The following ASIC2 variants were observed in gnomAD, a reference collection of about 807,000 sequenced individuals.
The protein encoded by ASIC2 is acid-sensing ion channel 2.
A neutral mutation model predicts 57.3 loss-of-function variants in ASIC2; 25 were observed. The observed-to-expected ratio is 0.44, with a 90% confidence interval of 0.32 to 0.61. The LOEUF is 0.61. Among genes scored for constraint, ASIC2 ranks in the 20% least tolerant of loss-of-function variants. ASIC2 has a pLI of 0.06. For missense variants in ASIC2, 641 were observed against 738.1 expected (o/e 0.87, Z 1.52); for synonymous variants, 319 against 307.5 (o/e 1.04, Z -0.39).
At chr17:33,250,331 G>C (rs900643453) in intron 1 of ASIC2, among the ~76,000 whole-genome samples, 1 of 152,196 alleles carries the variant, frequency 6.6e-6, no homozygotes, top group African/African-American at 2.4e-5. Context: ...CCGTGGCCCT[G>C]GAGGCCACAG....
intron 1 of ASIC2, among the ~76,000 whole-genome samples, chr17:34,099,590 G>A (rs1567821390): frequency 1.5e-5 from 2 of 135,880 alleles, no homozygotes; most frequent in African/African-American, 5.5e-5. Context: ...AGGAAGGAAA[G>A]AAAGAGAAAA....
chr17:33,584,669 G>A (rs1302109863), intron 1 of ASIC2, among the ~76,000 whole-genome samples: 1 of 144,340 alleles, frequency 6.9e-6, no homozygotes, highest in Non-Finnish European at 1.5e-5. Context: ...AGAGTGGCAG[G>A]AGATCCATCT....
At chr17:33,494,777 A>C (rs1158600291) in intron 1 of ASIC2, among the ~76,000 whole-genome samples, 8 of 152,160 alleles carry the variant, frequency 5.3e-5, no homozygotes, top group African/African-American at 1.7e-4. Context: ...TCTTTTGATG[A>C]AACTTTTTCT....
chr17:33,397,100 G>A (rs1454351051), intron 1 of ASIC2, among the ~76,000 whole-genome samples: 1 of 152,180 alleles, frequency 6.6e-6, no homozygotes, highest in African/African-American at 2.4e-5. Context: ...AGGAAGCACA[G>A]GTCCTGCCTA....
At chr17:33,470,819 T>G (rs1207717200) in intron 1 of ASIC2, among the ~76,000 whole-genome samples, 1 of 152,216 alleles carries the variant, frequency 6.6e-6, no homozygotes, top group Non-Finnish European at 1.5e-5. Flanking sequence ...AGCATTCACC[T>G]GTAGTCTCTG....
At chr17:34,010,383 A>G (rs1906670452) in intron 1 of ASIC2, among the ~76,000 whole-genome samples, 1 of 151,858 alleles carries the variant, frequency 6.6e-6, no homozygotes, top group Non-Finnish European at 1.5e-5. Context: ...TCTGAAAAGA[A>G]CTCCACCACT....
chr17:33,615,822 A>G (rs969789605), intron 1 of ASIC2, among the ~76,000 whole-genome samples: 3 of 152,042 alleles, frequency 2.0e-5, no homozygotes, highest in Non-Finnish European at 4.4e-5. Flanking sequence ...GAACTTCACT[A>G]CTCTCTGGGG....
chr17:33,970,292 C>G (rs895780868), intron 1 of ASIC2, among the ~76,000 whole-genome samples: 1 of 152,154 alleles, frequency 6.6e-6, no homozygotes, highest in African/African-American at 2.4e-5. Context: ...AGTTGGATAC[C>G]TTTCCTCATT....
chr17:33,848,634 G>A lies in ASIC2; in HGVS notation c.555+307344C>T, dbSNP rs371232440. Among the ~76,000 whole-genome samples, 8 of 152,228 alleles carry A rather than the reference G, an allele frequency of 5.3e-5. No individual in the cohort carries two copies. The East Asian group carries it at 1.4e-3, about 26-fold the overall frequency. On this transcript the variant is annotated intron_variant, in intron 1 of 9. Transcript: ENST00000359872. ...TTTACAAAAGAGCAAAAATAACAAC[G>A]TCAGCACTTCAGGTGCACAGTAATT...
At chr17:33,461,532 CT>C (rs1461864642) in intron 1 of ASIC2, among the ~76,000 whole-genome samples, 3 of 152,140 alleles carry the variant, frequency 2.0e-5, no homozygotes, top group Non-Finnish European at 2.9e-5. Context: ...GAGATGGGAG[CT>C]GCCTGGCATG....
At chr17:33,327,736 G>T (rs1165314516) in intron 1 of ASIC2, among the ~76,000 whole-genome samples, 2 of 152,214 alleles carry the variant, frequency 1.3e-5, no homozygotes, top group Admixed American at 6.5e-5. Flanking sequence ...GTATAATTGT[G>T]CTCCCTGGAA....
intron 1 of ASIC2, among the ~76,000 whole-genome samples, chr17:33,845,027 A>G (rs1340402577): frequency 6.6e-6 from 1 of 152,214 alleles, no homozygotes. Flanking sequence ...CAAAGCCTAC[A>G]TTTTTAACCA....
intron 1 of ASIC2, among the ~76,000 whole-genome samples, chr17:33,722,724 T>C (rs1293667146): frequency 6.6e-6 from 1 of 152,104 alleles, no homozygotes; most frequent in Non-Finnish European, 1.5e-5. Context: ...GATTGTGCCA[T>C]TGCACTGCAG....
intron 1 of ASIC2, among the ~76,000 whole-genome samples, chr17:33,206,527 T>C (rs941379893): frequency 1.3e-5 from 2 of 152,194 alleles, no homozygotes; most frequent in Non-Finnish European, 2.9e-5. Flanking sequence ...GATTTCTTAC[T>C]GATGAATTAT....
intron 1 of ASIC2, among the ~76,000 whole-genome samples, chr17:33,746,431 AATATGTATAT>A (rs539703000): frequency 1.8e-5 from 2 of 113,190 alleles, no homozygotes; most frequent in East Asian, 5.6e-4. Flanking sequence ...TACGTATATG[AATATGTATAT>A]ATGTGTATAT....
At chr17:33,114,263 T>G (rs1469247264) in intron 1 of ASIC2, among the ~76,000 whole-genome samples, 1 of 152,236 alleles carries the variant, frequency 6.6e-6, no homozygotes, top group African/African-American at 2.4e-5. Flanking sequence ...TTCATAACTA[T>G]TGCATATAGC....
intron 1 of ASIC2, among the ~76,000 whole-genome samples, chr17:33,343,281 G>T (rs368567874): frequency 1.3e-4 from 20 of 152,150 alleles, no homozygotes; most frequent in African/African-American, 4.3e-4. Context: ...CCCTAACAAA[G>T]TCCCTTTATT....
intron 1 of ASIC2, among the ~76,000 whole-genome samples, chr17:33,646,302 G>A (rs1865389): frequency 6.6e-6 from 1 of 152,162 alleles, no homozygotes; most frequent in East Asian, 1.9e-4. Flanking sequence ...GTGGGCATAA[G>A]ACTTGGATAA....
In ASIC2 at chr17:33,291,911, G is replaced by C. The variant is rs756202052; in HGVS notation, c.205C>G (p.Leu69Val). The change falls in exon 1 of 10, where the codon CTG (leucine) becomes GTG (valine). Residue 69 changes from leucine (L) to valine (V), a missense_variant. Coordinates refer to ENST00000225823, the MANE Select transcript of ASIC2 (RefSeq NM_183377.2). The stretch of plus-strand genomic sequence containing the variant: ...GTGCGCCCGGCACACATGTGCCGCA[G>C]CCCGTGCAGTTTAGCGCGGCTCAGC... ...PSLSRAKLHG[L>V]RHMCAGRTAA... 6.9e-6 allele frequency: 11 copies of C among 1,594,830 alleles called. No homozygotes were observed. In the South Asian group the frequency reaches 1.0e-4, roughly 14 times the overall value.
Sources: gnomAD v4.1 joint callset for allele counts (sites outside exome capture counted in the v4.1 genomes callset) on GRCh38, gnomAD v4.1.1 for gene constraint, MANE v1.5 for transcripts, NCBI Gene and HGNC (gene_info 2026-07-23, HGNC 2026-07-21) for gene names.